FREM2: variants seen among roughly 807,000 people sequenced by gnomAD.
FREM2 encodes the protein FRAS1 related extracellular matrix 2, also known as FRAS1-related extracellular matrix protein 2.
Under a neutral mutation model 219.9 loss-of-function variants are expected in FREM2, and 119 were observed. The ratio of observed to expected loss-of-function variants is 0.54; its 90% CI spans 0.47 to 0.63. FREM2 has a LOEUF of 0.63. Ranked by LOEUF, FREM2 falls within the 30% of genes least tolerant of loss-of-function variation. FREM2 has a pLI of 0.00. For synonymous variants in FREM2, 1,562 were observed against 1,522.8 expected, an observed-to-expected ratio of 1.03 and a Z score of -0.60; for missense variants, 4,030 against 3,993.6, an observed-to-expected ratio of 1.01 and a Z score of -0.25.
intron 6 of FREM2, among the ~76,000 whole-genome samples, chr13:38,788,745 T>C (rs540357720): frequency 6.6e-6 from 1 of 152,256 alleles, no homozygotes; most frequent in Non-Finnish European, 1.5e-5. Flanking sequence ...TTTTGTCTTT[T>C]TCTCATTGAA....
chr13:38,879,636 A>G (rs768580300), intron 23 of FREM2, among the ~76,000 whole-genome samples: 21 of 152,234 alleles, frequency 1.4e-4, no homozygotes, highest in Non-Finnish European at 1.8e-4. Flanking sequence ...TGTTATTTTC[A>G]TTCAACCTAA....
chr13:38,874,356 C>A, intron 17 of FREM2, 126 bp from the exon 18 acceptor site: 1 of 749,884 alleles, frequency 1.3e-6, no homozygotes, highest in Non-Finnish European at 2.4e-6. Flanking sequence ...CAGAATTCTT[C>A]TGATAATACC....
Position 38,688,857 on chromosome 13 carries a change from A to G in FREM2, c.1513A>G (p.Lys505Glu). Residue 505 changes from lysine (K) to glutamate (E), a missense_variant, in exon 1 of 24, where the codon AAG becomes GAG. Around this residue, in one of 2 missense-constraint regions of FREM2, gnomAD observed 3,102 missense variants for 2,950.7 expected, o/e 1.05. Coordinates refer to ENST00000280481, the MANE Select transcript of FREM2 (RefSeq NM_207361.6). Reference sequence around the variant, plus strand: ...TGCTTCCAGTGGCAGCTCTGCTCCCAAGAGCTTTACAGTGGCTGAGCTGGC... The same window carrying G: ...TGCTTCCAGTGGCAGCTCTGCTCCCGAGAGCTTTACAGTGGCTGAGCTGGC... ...LGASSGSSAP[K>E]SFTVAELAAG... 1 of 1,613,592 alleles carries G rather than the reference A, an allele frequency of 6.2e-7. No individual in the cohort carries two copies. Among genetic ancestry groups the G allele is most frequent in the Non-Finnish European group, 8.5e-7 (1 of 1,179,938 alleles).
At chr13:38,865,529 T>G (rs1877932587) in intron 16 of FREM2, among the ~76,000 whole-genome samples, 1 of 152,222 alleles carries the variant, frequency 6.6e-6, no homozygotes, top group Admixed American at 6.5e-5. Flanking sequence ...TAGGCTGCCC[T>G]TTTTTGTGCT....
At chr13:38,870,519 GTGCT>G (rs1224633832) in intron 16 of FREM2, among the ~76,000 whole-genome samples, 24 of 145,778 alleles carry the variant, frequency 1.6e-4, no homozygotes, top group Non-Finnish European at 3.6e-4. Flanking sequence ...AGAAAATTAA[GTGCT>G]TTTTAAGTTG....
chr13:38,768,312 C>T (rs749122821), intron 3 of FREM2, among the ~76,000 whole-genome samples: 1 of 152,016 alleles, frequency 6.6e-6, no homozygotes. Flanking sequence ...GAGGCAGGCT[C>T]TCACTCACCC....
At chr13:38,759,933 A>G (rs1873163029) in intron 2 of FREM2, among the ~76,000 whole-genome samples, 1 of 152,236 alleles carries the variant, frequency 6.6e-6, no homozygotes, top group South Asian at 2.1e-4. Context: ...CAATTATACA[A>G]GGTCACAGTT....
At chr13:38,815,284 G>A (rs966826622) in intron 6 of FREM2, among the ~76,000 whole-genome samples, 12 of 152,212 alleles carry the variant, frequency 7.9e-5, no homozygotes, top group African/African-American at 2.9e-4. Flanking sequence ...GAAATTTTCA[G>A]GCATTTTGTA....
At chr13:38,778,983 A>AT (rs548654851) in intron 4 of FREM2, among the ~76,000 whole-genome samples, 220 of 152,318 alleles carry the variant, frequency 1.4e-3, no homozygotes, top group African/African-American at 5.0e-3. Flanking sequence ...TTGGTGTATT[A>AT]TTTGTACTCA....
At chr13:38,841,627 T>C (rs1029872024) in intron 6 of FREM2, among the ~76,000 whole-genome samples, 2 of 152,214 alleles carry the variant, frequency 1.3e-5, no homozygotes, top group African/African-American at 4.8e-5. Flanking sequence ...CGTGAATTTC[T>C]TGCCGATTCG....
intron 6 of FREM2, among the ~76,000 whole-genome samples, chr13:38,802,313 G>T (rs1480224174): frequency 1.3e-5 from 2 of 152,092 alleles, no homozygotes; most frequent in African/African-American, 4.8e-5. Flanking sequence ...TTTCTCCTCA[G>T]TCCCACAGCA....
At chr13:38,760,077 G>A (rs903492368) in intron 2 of FREM2, among the ~76,000 whole-genome samples, 11 of 152,262 alleles carry the variant, frequency 7.2e-5, no homozygotes, top group Middle Eastern at 6.8e-3. Flanking sequence ...GTACAGAAGA[G>A]TTATGTAGTA....
chr13:38,702,455 C>T (rs1417220084), intron 2 of FREM2, among the ~76,000 whole-genome samples: 1 of 152,130 alleles, frequency 6.6e-6, no homozygotes, highest in East Asian at 1.9e-4. Flanking sequence ...TATGAGATAA[C>T]ATTAGGACAG....
intron 16 of FREM2, 46 bp from the exon 17 acceptor site, chr13:38,872,696 T>C (rs1878201175): frequency 1.3e-6 from 2 of 1,526,880 alleles, no homozygotes; most frequent in Non-Finnish European, 1.8e-6. Context: ...TAGGCCCACT[T>C]AGTTAACACT....
intron 6 of FREM2, among the ~76,000 whole-genome samples, chr13:38,827,194 G>A (rs571392997): frequency 4.6e-4 from 70 of 152,088 alleles, no homozygotes; most frequent in African/African-American, 1.4e-3. Flanking sequence ...GTTGTGTGGC[G>A]TTGAGCAAGT....
rs539820964 is a variant in FREM2 at position 38,846,488 on chromosome 13, C to A, written c.6020-85C>A. On this transcript the variant is annotated intron_variant, in intron 6 of 23. Coordinates refer to ENST00000280481, the MANE Select transcript of FREM2 (RefSeq NM_207361.6). ...ATATAAGGAAGTCCCTAAGAGGAAG[C>A]ACACTCTTCTTTGGAAGCATGTCAA... 2.0e-5 allele frequency: 28 copies of A among 1,395,088 alleles called. No individual in the cohort carries two copies. The African/African-American group carries it at 3.6e-4, about 18-fold the overall frequency. The allele number at this position is 1,395,088 out of a possible 1,614,324, so 86.4% of individuals were successfully genotyped here. A position where few individuals can be genotyped will look rare whatever the true frequency, so the allele number is the denominator to read the frequency against.
intron 6 of FREM2, among the ~76,000 whole-genome samples, chr13:38,814,847 C>T (rs1033719402): frequency 2.6e-5 from 4 of 152,208 alleles, no homozygotes; most frequent in East Asian, 1.9e-4. Context: ...GGACCACCAC[C>T]ACCACTGATC....
chr13:38,831,188 A>T (rs1876495564), intron 6 of FREM2, among the ~76,000 whole-genome samples: 1 of 152,180 alleles, frequency 6.6e-6, no homozygotes, highest in Non-Finnish European at 1.5e-5. Flanking sequence ...AATAGAAAAA[A>T]TATTTTAAGT....
At chr13:38,814,826 G>A (rs1875696465) in intron 6 of FREM2, among the ~76,000 whole-genome samples, 2 of 152,280 alleles carry the variant, frequency 1.3e-5, no homozygotes, top group South Asian at 4.1e-4. Context: ...AGTCAGAGGA[G>A]CCTCTCCCTG....
Sources: allele counts gnomAD v4.1 joint callset (sites outside exome capture counted in the v4.1 genomes callset), GRCh38; gene constraint gnomAD v4.1.1; regional missense constraint gnomAD v4.1.1; transcripts MANE v1.5; gene names NCBI Gene and HGNC (gene_info 2026-07-23, HGNC 2026-07-21).